Variants in PTPRE observed in about 807,000 individuals in gnomAD.
The protein encoded by PTPRE is receptor-type tyrosine-protein phosphatase epsilon.
PTPRE carries 51 observed loss-of-function variants against 102.0 expected under a neutral mutation model. The ratio of observed to expected loss-of-function variants is 0.50; its 90% CI spans 0.40 to 0.63. PTPRE has a LOEUF of 0.63. Ranked by LOEUF, PTPRE falls within the 30% of genes least tolerant of loss-of-function variation. PTPRE has a pLI of 0.00. For synonymous variants in PTPRE, 345 were observed against 348.2 expected (o/e 0.99, Z 0.10); for missense variants, 752 against 915.1 (o/e 0.82, Z 2.30).
intron 2 of PTPRE, among the ~76,000 whole-genome samples, chr10:128,013,040 T>C (rs919891014): frequency 6.6e-5 from 10 of 152,178 alleles, no homozygotes; most frequent in African/African-American, 2.4e-4. Context: ...TGTTATGAAA[T>C]TGGCATGAAT....
intron 2 of PTPRE, among the ~76,000 whole-genome samples, chr10:128,002,980 C>T (rs1854122760): frequency 6.6e-6 from 1 of 152,186 alleles, no homozygotes; most frequent in African/African-American, 2.4e-5. Context: ...AGGCATGAGC[C>T]ACTGTGCCTG....
Position 128,047,493 on chromosome 10 carries a change from G to T in PTPRE, c.209+4G>T, listed in dbSNP as rs1848191025. ...TTCTCGCCGCCTACTTCTTCAGGTA[G>T]GAGTGTCCCGGGGCACTGACTTGCC... On this transcript the variant is annotated splice_donor_region_variant and intron_variant, in intron 4 of 20. Coordinates refer to ENST00000254667, the MANE Select transcript of PTPRE (RefSeq NM_006504.6). 3 of 1,613,226 alleles carry T rather than the reference G, an allele frequency of 1.9e-6. No individual in the cohort carries two copies. In the South Asian group the frequency reaches 3.3e-5, roughly 18 times the overall value.
chr10:127,928,629 GAA>G (rs1847201152), intron 1 of PTPRE, among the ~76,000 whole-genome samples: 1 of 152,186 alleles, frequency 6.6e-6, no homozygotes. Context: ...GGCTTATCTG[GAA>G]TCCTGCACTC....
At chr10:128,035,033 G>C (rs1312855387) in intron 2 of PTPRE, among the ~76,000 whole-genome samples, 9 of 152,068 alleles carry the variant, frequency 5.9e-5, no homozygotes, top group Admixed American at 3.3e-4. Flanking sequence ...GTCCAGGCTG[G>C]AGTGCAGTGG....
chr10:128,012,334 G>A (rs543915282), intron 2 of PTPRE, among the ~76,000 whole-genome samples: 1 of 152,182 alleles, frequency 6.6e-6, no homozygotes, highest in African/African-American at 2.4e-5. Flanking sequence ...GGTCACTCAA[G>A]AGTCCAGCAA....
rs538525379 is a variant in PTPRE, at chr10:127,996,382, T to C, written c.-8+14086T>C. On this transcript the variant is annotated intron_variant, in intron 2 of 20. Coordinates refer to ENST00000254667, the MANE Select transcript of PTPRE (RefSeq NM_006504.6). Reference sequence around the variant, plus strand: ...AGGGTTTGGGACGTGAGTGGTTGCGTGTTGCACACCAGCAAACAGGGTGAG... The same window carrying C: ...AGGGTTTGGGACGTGAGTGGTTGCGCGTTGCACACCAGCAAACAGGGTGAG... 3.3e-5 allele frequency among the ~76,000 whole-genome samples: 5 copies of C among 152,336 alleles called. No individual in the cohort carries two copies. In the South Asian group the frequency reaches 1.0e-3, roughly 32 times the overall value.
At chr10:128,017,515 C>T (rs540787405) in intron 2 of PTPRE, among the ~76,000 whole-genome samples, 4 of 152,062 alleles carry the variant, frequency 2.6e-5, no homozygotes, top group African/African-American at 9.7e-5. Context: ...ACAGAATTTC[C>T]ATATGCCCTC....
At chr10:128,000,456 G>T (rs1280812603) in intron 2 of PTPRE, among the ~76,000 whole-genome samples, 1 of 152,154 alleles carries the variant, frequency 6.6e-6, no homozygotes, top group Non-Finnish European at 1.5e-5. Context: ...TTCTCTAGCT[G>T]CGTTTCTTTT....
chr10:127,998,886 G>A (rs1458974740), intron 2 of PTPRE: 1 of 152,170 alleles, frequency 6.6e-6, no homozygotes, highest in Non-Finnish European at 1.5e-5. Flanking sequence ...GGAGAACTTG[G>A]TGAGGCTGGG....
At position 128,015,146 on chromosome 10, in the gene PTPRE, A is replaced by AAAAGACCTGTACCCAAGCATTCATAGC. The variant is rs1279998985; in HGVS notation, c.-7-25700_-7-25674dup. ...AAATACATGAAGAAATGTGTCCACA[A>AAAAGACCTGTACCCAAGCATTCATAGC]AAAGACCTGTACCCAAGCATTCATA... is the stretch of plus-strand genomic sequence containing the variant. On this transcript the variant is annotated intron_variant, in intron 2 of 20. Transcript: ENST00000254667. 2.0e-5 allele frequency among the ~76,000 whole-genome samples: 3 copies of AAAAGACCTGTACCCAAGCATTCATAGC among 152,208 alleles called. No homozygotes were observed. In the East Asian group the frequency reaches 5.8e-4, roughly 29 times the overall value.
chr10:127,931,207 G>T (rs1038392034), intron 1 of PTPRE, among the ~76,000 whole-genome samples: 5 of 151,972 alleles, frequency 3.3e-5, no homozygotes, highest in Non-Finnish European at 7.4e-5. Flanking sequence ...ATCTTTTCAG[G>T]CCCTTATTTG....
chr10:128,006,370 G>T (rs1164166590), intron 2 of PTPRE, among the ~76,000 whole-genome samples: 1 of 152,212 alleles, frequency 6.6e-6, no homozygotes, highest in Non-Finnish European at 1.5e-5. Flanking sequence ...CACAGGAATT[G>T]TACGCCTAAT....
At chr10:127,910,039 G>A (rs1375713065) in intron 1 of PTPRE, among the ~76,000 whole-genome samples, 1 of 152,172 alleles carries the variant, frequency 6.6e-6, no homozygotes, top group Non-Finnish European at 1.5e-5. Context: ...GTATTCCCTT[G>A]CTAGACAAGT....
chr10:128,051,404 T>C (rs1251368100), intron 6 of PTPRE, among the ~76,000 whole-genome samples: 1 of 152,122 alleles, frequency 6.6e-6, no homozygotes, highest in Non-Finnish European at 1.5e-5. Context: ...AGGTAACAAA[T>C]ACAATATCAA....
At chr10:128,005,272 C>T (rs1854407891) in intron 2 of PTPRE, among the ~76,000 whole-genome samples, 2 of 152,214 alleles carry the variant, frequency 1.3e-5, no homozygotes, top group African/African-American at 4.8e-5. Flanking sequence ...TGATGAAAAA[C>T]ATTGCATCAT....
chr10:128,021,240 T>G (rs1265185572), intron 2 of PTPRE, among the ~76,000 whole-genome samples: 2 of 152,030 alleles, frequency 1.3e-5, no homozygotes, highest in Admixed American at 1.3e-4. Context: ...CAATAAGAGA[T>G]AATTTTGCAC....
intron 2 of PTPRE, among the ~76,000 whole-genome samples, chr10:127,992,598 C>T (rs1379070692): frequency 6.6e-6 from 1 of 152,160 alleles, no homozygotes; most frequent in Non-Finnish European, 1.5e-5. Flanking sequence ...TCGGGGCACT[C>T]AGGAAACACC....
chr10:127,910,049 T>C (rs992448154), intron 1 of PTPRE, among the ~76,000 whole-genome samples: 8 of 152,194 alleles, frequency 5.3e-5, no homozygotes, highest in Non-Finnish European at 8.8e-5. Flanking sequence ...GCTAGACAAG[T>C]CTTTTTCATT....
intron 2 of PTPRE, chr10:127,987,196 T>C: frequency 2.1e-6 from 1 of 482,694 alleles, no homozygotes. Context: ...AGCAAAGGCA[T>C]GGGCGTTAAT....
Sources: allele counts gnomAD v4.1 joint callset (sites outside exome capture counted in the v4.1 genomes callset), GRCh38; gene constraint gnomAD v4.1.1; transcripts MANE v1.5; gene names NCBI Gene and HGNC (gene_info 2026-07-23, HGNC 2026-07-21).